BFSP2: variants seen among roughly 807,000 people sequenced by gnomAD.
BFSP2 encodes beaded filament structural protein 2.
Under a neutral mutation model 44.9 loss-of-function variants are expected in BFSP2, and 38 were observed. The observed-to-expected ratio is 0.85, with a 90% CI of 0.65 to 1.11. The LOEUF is 1.11. BFSP2 is among the 50% of genes least tolerant of loss of function. The pLI is 0.00. For missense variants in BFSP2, 525 were observed against 533.0 expected, an observed-to-expected ratio of 0.99 and a Z score of 0.15; for synonymous variants, 197 against 209.9, an observed-to-expected ratio of 0.94 and a Z score of 0.53.
At chr3:133,433,105 A>T (rs1277702060) in intron 1 of BFSP2, among the ~76,000 whole-genome samples, 1 of 152,050 alleles carries the variant, frequency 6.6e-6, no homozygotes. Context: ...TAAGTCCCAC[A>T]ATTACTATTG....
chr3:133,432,436 G>C (rs1222007473), intron 1 of BFSP2, among the ~76,000 whole-genome samples: 4 of 152,056 alleles, frequency 2.6e-5, no homozygotes, highest in African/African-American at 9.7e-5. Context: ...CTGGACTGAC[G>C]CTGACACCCA....
rs1442333416 is a variant in BFSP2 at position 133,417,092 on chromosome 3, C to CTCTCCCCTCTACTCACCCCTGCCT, written c.489+16534_489+16557dup. On this transcript the variant is annotated intron_variant, in intron 1 of 6. Coordinates refer to ENST00000302334, the MANE Select transcript of BFSP2 (RefSeq NM_003571.4). ...CCTCTCCCTTCTACTCAGCCCTGCC[C>CTCTCCCCTCTACTCACCCCTGCCT]TCTCCCCTCTACTCACCCCTGCCTT... Among the ~76,000 whole-genome samples the CTCTCCCCTCTACTCACCCCTGCCT allele has an allele frequency of 1.5e-4, 21 of 143,046 alleles. No individual in the cohort carries two copies. The East Asian group carries it at 4.2e-3, about 29-fold the overall frequency. 93.8% of individuals were successfully genotyped at this position (143,046 alleles called of 152,430 possible). A position where few individuals can be genotyped will look rare whatever the true frequency, so the allele number is the denominator to read the frequency against.
chr3:133,425,802 A>AGGGAAATAAAGAAGG (rs1463388723), intron 1 of BFSP2, among the ~76,000 whole-genome samples: 1 of 118,284 alleles, frequency 8.5e-6, no homozygotes, highest in African/African-American at 3.1e-5. Context: ...AGGGAAGGGA[A>AGGGAAATAAAGAAGG]GAAGGGAAGG....
At chr3:133,441,417 C>T (rs945950296) in intron 1 of BFSP2, among the ~76,000 whole-genome samples, 1 of 152,138 alleles carries the variant, frequency 6.6e-6, no homozygotes. Context: ...CAGGTAACAA[C>T]TATCAGGTTA....
intron 1 of BFSP2, among the ~76,000 whole-genome samples, chr3:133,414,306 A>C (rs1391656019): frequency 2.6e-4 from 6 of 22,754 alleles, no homozygotes; most frequent in African/African-American, 4.4e-4. Flanking sequence ...TCTCTCCCCT[A>C]CTCACCCCTC....
At chr3:133,452,759 A>G (rs945666370) in intron 4 of BFSP2, among the ~76,000 whole-genome samples, 2 of 152,146 alleles carry the variant, frequency 1.3e-5, no homozygotes, top group African/African-American at 4.8e-5. Flanking sequence ...CTCTGCTTCT[A>G]AAGCTAAACC....
chr3:133,443,443 G>C (rs2073864557), intron 1 of BFSP2, among the ~76,000 whole-genome samples: 1 of 152,164 alleles, frequency 6.6e-6, no homozygotes, highest in Non-Finnish European at 1.5e-5. Context: ...GTGAAGCAGA[G>C]AATAATAAGA....
rs1422149689 is a variant in BFSP2 at position 133,431,474 on chromosome 3, A to C, written c.490-15843A>C. On this transcript the variant is annotated intron_variant, in intron 1 of 6. Transcript: ENST00000302334. Reference sequence around the variant, plus strand: ...CAGGATTCCTCCTAAGCCGTGTCCCATCTGTGCGGGACCCCACTGGAAATC... The same window carrying C: ...CAGGATTCCTCCTAAGCCGTGTCCCCTCTGTGCGGGACCCCACTGGAAATC... 2.6e-5 allele frequency among the ~76,000 whole-genome samples: 4 copies of C among 152,258 alleles called. No homozygotes were observed. The East Asian group carries it at 7.7e-4, about 29-fold the overall frequency.
chr3:133,448,961 G>GTT, intron 3 of BFSP2: 1 of 345,040 alleles, frequency 2.9e-6, no homozygotes, highest in Non-Finnish European at 5.5e-6. Context: ...TTCTATGTCA[G>GTT]GTTTTTTTTT....
intron 4 of BFSP2, among the ~76,000 whole-genome samples, chr3:133,459,798 G>A (rs1055633917): frequency 1.4e-4 from 22 of 152,190 alleles, no homozygotes; most frequent in East Asian, 1.9e-4. Context: ...ATGACACCAC[G>A]TAACTGTAAA....
At chr3:133,426,183 G>A (rs1451636476) in intron 1 of BFSP2, among the ~76,000 whole-genome samples, 3 of 151,918 alleles carry the variant, frequency 2.0e-5, no homozygotes, top group Non-Finnish European at 4.4e-5. Context: ...GCAGGCACAA[G>A]CCCCTTCTTC....
chr3:133,451,920 C>G (rs2073969537), intron 4 of BFSP2, among the ~76,000 whole-genome samples: 1 of 152,044 alleles, frequency 6.6e-6, no homozygotes, highest in Non-Finnish European at 1.5e-5. Flanking sequence ...TGAAAAGTGA[C>G]AAGGAAGGAA....
At chr3:133,439,025 C>T (rs1400574989) in intron 1 of BFSP2, among the ~76,000 whole-genome samples, 1 of 152,228 alleles carries the variant, frequency 6.6e-6, no homozygotes, top group African/African-American at 2.4e-5. Flanking sequence ...GTTACTTAAA[C>T]TCTCTGAGAC....
intron 1 of BFSP2, among the ~76,000 whole-genome samples, chr3:133,414,909 ACT>A (rs1162484627): frequency 6.3e-5 from 3 of 47,652 alleles, no homozygotes; most frequent in East Asian, 6.5e-4. Context: ...CCCACTACTC[ACT>A]CCTGCCCTGT....
At chr3:133,445,153 G>A (rs1387563446) in intron 1 of BFSP2, among the ~76,000 whole-genome samples, 1 of 152,236 alleles carries the variant, frequency 6.6e-6, no homozygotes, top group Non-Finnish European at 1.5e-5. Context: ...GTTTCATGGG[G>A]AAGCCGTGTT....
chr3:133,406,302 A>G (rs975780962), intron 1 of BFSP2, among the ~76,000 whole-genome samples: 4 of 152,150 alleles, frequency 2.6e-5, no homozygotes, highest in Non-Finnish European at 5.9e-5. Flanking sequence ...CTGGAAGTTG[A>G]ATGTGTCTGG....
chr3:133,447,559 A>G lies in BFSP2; in HGVS notation c.572+160A>G, dbSNP rs7644197. Among the ~76,000 whole-genome samples the G allele has an allele frequency of 0.93, 141,998 of 152,214 alleles. 66,327 individuals are homozygous for G. The highest frequency in any genetic ancestry group is 0.96 in the Non-Finnish European group (65,317 of 68,020). On this transcript the variant is annotated intron_variant, in intron 2 of 6. Transcript: ENST00000302334. The stretch of plus-strand genomic sequence containing the variant: ...TATCCAGCTCACACCCCTCCTTGTA[A>G]ACATAAAGTAGGCCCCAAGGGCTCA...
intron 1 of BFSP2, among the ~76,000 whole-genome samples, chr3:133,441,246 G>A (rs1460359626): frequency 6.6e-6 from 1 of 152,074 alleles, no homozygotes; most frequent in African/African-American, 2.4e-5. Flanking sequence ...ATGTTGGCCA[G>A]GCTGGTCTCG....
chr3:133,446,600 A>AAAGGAGT (rs1559973895), intron 1 of BFSP2, among the ~76,000 whole-genome samples: 1 of 35,560 alleles, frequency 2.8e-5, no homozygotes, highest in Non-Finnish European at 5.1e-5. Flanking sequence ...ATATATATAT[A>AAAGGAGT]TATATATATA....
Sources: gnomAD v4.1 joint callset for allele counts (sites outside exome capture counted in the v4.1 genomes callset) on GRCh38, gnomAD v4.1.1 for gene constraint, MANE v1.5 for transcripts, NCBI Gene and HGNC (gene_info 2026-07-23, HGNC 2026-07-21) for gene names.